UBE2V2: variants seen among roughly 807,000 people sequenced by gnomAD.
UBE2V2 encodes the protein ubiquitin conjugating enzyme E2 V2.
UBE2V2 carries 9 observed loss-of-function variants against 17.2 expected under a neutral mutation model. That is an observed-to-expected ratio of 0.52 (90% CI 0.32 to 0.91). The LOEUF (loss-of-function observed/expected upper bound fraction) is 0.91. Ranked by LOEUF, UBE2V2 falls within the 40% of genes least tolerant of loss-of-function variation. UBE2V2 has a pLI of 0.04. For missense variants in UBE2V2, 133 were observed against 182.6 expected (o/e 0.73, Z 1.56); for synonymous variants, 61 against 57.5 (o/e 1.06, Z -0.28).
intron 1 of UBE2V2, among the ~76,000 whole-genome samples, chr8:48,025,092 G>A (rs1436673614): frequency 2.0e-5 from 3 of 151,652 alleles, no homozygotes; most frequent in South Asian, 2.1e-4. Flanking sequence ...GTGCCACCAC[G>A]CCCGGCTAGC....
chr8:48,057,476 A>AT (rs1162727563), intron 3 of UBE2V2, among the ~76,000 whole-genome samples: 2 of 151,614 alleles, frequency 1.3e-5, no homozygotes, highest in Non-Finnish European at 2.9e-5. Flanking sequence ...TAATTTTTGT[A>AT]TTTTTAGTAG....
intron 1 of UBE2V2, among the ~76,000 whole-genome samples, chr8:48,031,099 C>T (rs546182358): frequency 5.9e-4 from 90 of 152,014 alleles, no homozygotes; most frequent in African/African-American, 2.0e-3. Flanking sequence ...ATCCCAGCTA[C>T]TTCGGAGGCT....
At chr8:48,046,912 A>G (rs1222905341) in intron 2 of UBE2V2, among the ~76,000 whole-genome samples, 3 of 141,508 alleles carry the variant, frequency 2.1e-5, no homozygotes, top group African/African-American at 7.9e-5. Flanking sequence ...GTTGTTTTTT[A>G]TTTTTTGTAC....
chr8:48,013,683 G>C (rs2091248513), intron 1 of UBE2V2, among the ~76,000 whole-genome samples: 1 of 152,154 alleles, frequency 6.6e-6, no homozygotes, highest in African/African-American at 2.4e-5. Flanking sequence ...GACTGTAGAT[G>C]CCTGGAAAAT....
the UBE2V2 span, among the ~76,000 whole-genome samples, chr8:48,002,389 T>C: frequency 6.6e-6 from 1 of 152,204 alleles, no homozygotes; most frequent in Non-Finnish European, 1.5e-5. Flanking sequence ...ACAATGTGGG[T>C]GAACCTGGAG....
chr8:48,020,640 T>C (rs1308748021), intron 1 of UBE2V2, among the ~76,000 whole-genome samples: 1 of 152,168 alleles, frequency 6.6e-6, no homozygotes, highest in Non-Finnish European at 1.5e-5. Context: ...CGCCTTTTTA[T>C]TTTTTGAGAC....
chr8:48,000,726 G>T, the UBE2V2 span, among the ~76,000 whole-genome samples: 1 of 150,920 alleles, frequency 6.6e-6, no homozygotes, highest in Non-Finnish European at 1.5e-5. Context: ...GGAGGCTGAG[G>T]CAGGAGAATG....
At chr8:48,010,716 G>C (rs1032285073) in intron 1 of UBE2V2, among the ~76,000 whole-genome samples, 1 of 125,022 alleles carries the variant, frequency 8.0e-6, no homozygotes, top group African/African-American at 3.1e-5. Context: ...TTTTTTTTGA[G>C]ACTGAGTCTC....
upstream of UBE2V2, among the ~76,000 whole-genome samples, chr8:48,005,589 G>A (rs1037281280): frequency 7.2e-5 from 11 of 152,090 alleles, no homozygotes; most frequent in Admixed American, 6.6e-4. Flanking sequence ...TTGAGGAATC[G>A]CCACACTGTC....
intron 1 of UBE2V2, among the ~76,000 whole-genome samples, chr8:48,025,102 CTTG>C (rs1040493940): frequency 1.3e-5 from 2 of 151,516 alleles, no homozygotes; most frequent in Admixed American, 1.3e-4. Context: ...GCCCGGCTAG[CTTG>C]TTGTATTTTT....
At chr8:48,027,373 CTTA>C (rs2091352760) in intron 1 of UBE2V2, among the ~76,000 whole-genome samples, 1 of 152,180 alleles carries the variant, frequency 6.6e-6, no homozygotes, top group African/African-American at 2.4e-5. Flanking sequence ...CTTACCAACA[CTTA>C]TTATCTGACT....
intron 2 of UBE2V2, among the ~76,000 whole-genome samples, chr8:48,046,551 G>A (rs1181143808): frequency 2.0e-5 from 3 of 152,214 alleles, no homozygotes; most frequent in Non-Finnish European, 4.4e-5. Flanking sequence ...GCCGTGCCCG[G>A]TTGAGAGGAG....
chr8:48,003,842 A>G (rs2091167537), upstream of UBE2V2, among the ~76,000 whole-genome samples: 1 of 152,154 alleles, frequency 6.6e-6, no homozygotes, highest in African/African-American at 2.4e-5. Flanking sequence ...GAGATGTGGT[A>G]TCTCAGGTGG....
chr8:48,051,330 T>C (rs1260615603), intron 3 of UBE2V2, among the ~76,000 whole-genome samples: 1 of 152,152 alleles, frequency 6.6e-6, no homozygotes, highest in Non-Finnish European at 1.5e-5. Flanking sequence ...CAAAATAACA[T>C]ATCATCATCA....
intron 1 of UBE2V2, among the ~76,000 whole-genome samples, chr8:48,039,544 A>G (rs908518229): frequency 2.0e-5 from 3 of 152,074 alleles, no homozygotes; most frequent in Non-Finnish European, 4.4e-5. Context: ...TCTAGGAGGA[A>G]TTATTTCTGT....
chr8:48,055,960 G>A (rs2091568921), intron 3 of UBE2V2, among the ~76,000 whole-genome samples: 1 of 151,970 alleles, frequency 6.6e-6, no homozygotes, highest in Non-Finnish European at 1.5e-5. Flanking sequence ...GGGTTTCACT[G>A]TGTTAGCCAG....
chr8:48,045,053 C>T (rs571713854), intron 2 of UBE2V2, among the ~76,000 whole-genome samples: 228 of 152,208 alleles, frequency 1.5e-3, no homozygotes, highest in Non-Finnish European at 2.7e-3. Context: ...ACTCTATCCA[C>T]TGGGATGGGG....
At chr8:48,028,375 G>A (rs1374256788) in intron 1 of UBE2V2, among the ~76,000 whole-genome samples, 4 of 136,506 alleles carry the variant, frequency 2.9e-5, no homozygotes, top group African/African-American at 1.1e-4. Context: ...TTTCGTTCTC[G>A]TTGCCCAGGC....
chr8:48,048,274 G>T (rs1424246360), intron 2 of UBE2V2, among the ~76,000 whole-genome samples: 2 of 152,220 alleles, frequency 1.3e-5, no homozygotes, highest in Non-Finnish European at 2.9e-5. Flanking sequence ...TGTAGTAGGA[G>T]TGTGTTTCTT....
Sources: allele counts gnomAD v4.1 joint callset (sites outside exome capture counted in the v4.1 genomes callset), GRCh38; gene constraint gnomAD v4.1.1; transcripts MANE v1.5; gene names NCBI Gene and HGNC (gene_info 2026-07-23, HGNC 2026-07-21).